GALNT10: variants seen among roughly 807,000 people sequenced by gnomAD.
GALNT10 encodes polypeptide N-acetylgalactosaminyltransferase 10, also known as GalNAc transferase 10.
Under a neutral mutation model 75.0 loss-of-function variants are expected in GALNT10, and 41 were observed. The observed-to-expected ratio is 0.55, with a 90% CI of 0.43 to 0.71. The LOEUF (loss-of-function observed/expected upper bound fraction) is 0.71, where lower values mean the gene tolerates loss of function less well. Among genes scored for constraint, GALNT10 ranks in the 30% least tolerant of loss-of-function variants. The pLI is 0.00. For missense variants in GALNT10, 727 were observed against 818.5 expected (o/e 0.89, Z 1.36); for synonymous variants, 302 against 313.0 (o/e 0.96, Z 0.37).
intron 3 of GALNT10, among the ~76,000 whole-genome samples, chr5:154,304,445 G>GA (rs1031973518): frequency 2.0e-5 from 3 of 152,146 alleles, no homozygotes; most frequent in Non-Finnish European, 2.9e-5. Flanking sequence ...ACAGTACAAA[G>GA]AAGAATATGG....
intron 4 of GALNT10, among the ~76,000 whole-genome samples, chr5:154,373,285 T>A (rs978505865): frequency 6.6e-6 from 1 of 152,224 alleles, no homozygotes; most frequent in African/African-American, 2.4e-5. Context: ...TCATGCTGTG[T>A]CAAGGACCCA....
At chr5:154,384,776 C>A (rs558412643) in intron 6 of GALNT10, among the ~76,000 whole-genome samples, 3 of 152,302 alleles carry the variant, frequency 2.0e-5, no homozygotes, top group Non-Finnish European at 4.4e-5. Context: ...TGAACTGTGG[C>A]TTAGATTAGA....
intron 1 of GALNT10, among the ~76,000 whole-genome samples, chr5:154,215,262 C>T (rs1238710826): frequency 6.6e-6 from 1 of 151,988 alleles, no homozygotes; most frequent in Non-Finnish European, 1.5e-5. Flanking sequence ...GCGGGCGGAT[C>T]ACGAAGTCAA....
chr5:154,381,621 T>G (rs2113179589), intron 6 of GALNT10, among the ~76,000 whole-genome samples: 1 of 152,352 alleles, frequency 6.6e-6, no homozygotes, highest in South Asian at 2.1e-4. Flanking sequence ...TGAGTCTTAC[T>G]GGGCTAAAAT....
intron 3 of GALNT10, among the ~76,000 whole-genome samples, chr5:154,314,183 A>T (rs946063301): frequency 6.6e-6 from 1 of 152,100 alleles, no homozygotes; most frequent in African/African-American, 2.4e-5. Flanking sequence ...AACAGGAAGG[A>T]TGTATTTTAC....
At chr5:154,219,904 T>C (rs1293081698) in intron 1 of GALNT10, among the ~76,000 whole-genome samples, 3 of 147,800 alleles carry the variant, frequency 2.0e-5, no homozygotes, top group Non-Finnish European at 4.5e-5. Context: ...ATTTATGAGA[T>C]GACATGAACA....
At chr5:154,239,729 C>T (rs1005681341) in intron 1 of GALNT10, among the ~76,000 whole-genome samples, 1 of 152,222 alleles carries the variant, frequency 6.6e-6, no homozygotes, top group Non-Finnish European at 1.5e-5. Flanking sequence ...CCTCAACCAG[C>T]TCACAGTCTA....
At chr5:154,410,632 T>G (rs968291831) in intron 9 of GALNT10, among the ~76,000 whole-genome samples, 1 of 152,304 alleles carries the variant, frequency 6.6e-6, no homozygotes, top group Admixed American at 6.5e-5. Flanking sequence ...GTAACGCAAG[T>G]AAGAAAGAAC....
chr5:154,305,500 A>G (rs757132686), intron 3 of GALNT10, among the ~76,000 whole-genome samples: 16 of 152,248 alleles, frequency 1.1e-4, no homozygotes, highest in Non-Finnish European at 1.9e-4. Context: ...CAAATAAGTT[A>G]AATGTAAAAG....
chr5:154,323,787 GAA>G (rs1185534423), intron 3 of GALNT10, among the ~76,000 whole-genome samples: 6 of 152,212 alleles, frequency 3.9e-5, no homozygotes, highest in African/African-American at 1.4e-4. Context: ...GTCAGGTACT[GAA>G]ACCAGGTATG....
chr5:154,256,585 A>G (rs1753616627), intron 1 of GALNT10, among the ~76,000 whole-genome samples: 1 of 152,140 alleles, frequency 6.6e-6, no homozygotes, highest in African/African-American at 2.4e-5. Context: ...GATCCATAAG[A>G]TGAATACAAT....
chr5:154,248,279 T>G (rs543060034), intron 1 of GALNT10, among the ~76,000 whole-genome samples: 138 of 152,372 alleles, frequency 9.1e-4, no homozygotes, highest in African/African-American at 3.1e-3. Flanking sequence ...TCTCTTTTTT[T>G]GTTGCGTCTC....
At chr5:154,310,029 C>T (rs1266686212) in intron 3 of GALNT10, among the ~76,000 whole-genome samples, 1 of 152,128 alleles carries the variant, frequency 6.6e-6, no homozygotes, top group Non-Finnish European at 1.5e-5. Flanking sequence ...TTGTGGTCAG[C>T]GTTCAGGTTA....
chr5:154,276,803 G>T (rs1753960188), intron 1 of GALNT10, among the ~76,000 whole-genome samples: 1 of 152,206 alleles, frequency 6.6e-6, no homozygotes, highest in Non-Finnish European at 1.5e-5. Context: ...GTGGAAGGGA[G>T]ATTATTTTGT....
At chr5:154,268,563 C>T (rs1011736752) in intron 1 of GALNT10, among the ~76,000 whole-genome samples, 1 of 152,114 alleles carries the variant, frequency 6.6e-6, no homozygotes, top group Non-Finnish European at 1.5e-5. Context: ...TTAGGATATC[C>T]TTAAGTTTAT....
At chr5:154,273,720 T>G (rs1753907251) in intron 1 of GALNT10, among the ~76,000 whole-genome samples, 1 of 152,252 alleles carries the variant, frequency 6.6e-6, no homozygotes, top group South Asian at 2.1e-4. Context: ...TCTTTCACCA[T>G]GTGCCTTTAT....
rs970059316 is a variant in GALNT10 at position 154,305,457 on chromosome 5, C to T, written c.401+7378C>T. 4.6e-5 allele frequency among the ~76,000 whole-genome samples: 7 copies of T among 152,108 alleles called. 1 individual carries two copies. The highest frequency in any genetic ancestry group is 3.3e-4 in the Admixed American group (5 of 15,270). ...AGAAAACAAGATTCAAATACATGCT[C>T]CCTGCAAGAAACACACTTTAAATGT... On this transcript the variant is annotated intron_variant, in intron 3 of 11. Transcript: ENST00000297107.
At chr5:154,333,180 A>G (rs77985610) in intron 4 of GALNT10, among the ~76,000 whole-genome samples, 2 of 152,272 alleles carry the variant, frequency 1.3e-5, no homozygotes, top group East Asian at 3.9e-4. Context: ...TGCTAAAAGA[A>G]GTATATGAAA....
At chr5:154,320,292 T>A (rs1229779879) in intron 3 of GALNT10, among the ~76,000 whole-genome samples, 1 of 152,230 alleles carries the variant, frequency 6.6e-6, no homozygotes, top group Non-Finnish European at 1.5e-5. Flanking sequence ...TGAATTAAAT[T>A]AGAAGTGAAT....
Sources: gnomAD v4.1 joint callset for allele counts (sites outside exome capture counted in the v4.1 genomes callset) on GRCh38, gnomAD v4.1.1 for gene constraint, MANE v1.5 for transcripts, NCBI Gene and HGNC (gene_info 2026-07-23, HGNC 2026-07-21) for gene names.